Variants in CTPS2 observed in about 807,000 individuals in gnomAD.
CTPS2 encodes CTP synthase II.
A neutral mutation model predicts 46.8 loss-of-function variants in CTPS2; 19 were observed. The ratio of observed to expected loss-of-function variants is 0.41; its 90% CI spans 0.28 to 0.60. CTPS2 has a LOEUF of 0.60. Ranked by LOEUF, CTPS2 falls within the 20% of genes least tolerant of loss-of-function variation. The pLI is 0.35. For synonymous variants in CTPS2, 151 were observed against 165.2 expected, an observed-to-expected ratio of 0.91 and a Z score of 0.66; for missense variants, 286 against 447.6, an observed-to-expected ratio of 0.64 and a Z score of 3.26.
chrX:16,605,931 A>T (rs1290797454), intron 17 of CTPS2, among the ~76,000 whole-genome samples: 1 of 112,217 alleles, frequency 8.9e-6, no homozygotes, highest in Non-Finnish European at 1.9e-5. Flanking sequence ...CAAGCCTAAA[A>T]CCAGGTGAAA....
intron 13 of CTPS2, among the ~76,000 whole-genome samples, chrX:16,656,471 G>A (rs1045999983): frequency 1.2e-4 from 13 of 107,432 alleles, no homozygotes; most frequent in African/African-American, 3.8e-4. Flanking sequence ...GTGCAGTGGC[G>A]CCATCTCGGC....
At position 16,620,664 on chromosome X, in the gene CTPS2, C is replaced by T. The variant is rs769615691; in HGVS notation, c.1394-332G>A. Among the ~76,000 whole-genome samples the T allele has an allele frequency of 2.7e-5, 3 of 112,164 alleles. No individual in the cohort carries two copies. The South Asian group carries it at 1.1e-3, about 42-fold the overall frequency. ...TAAGAGACGGCCATGTCTGCACTAT[C>T]GCTTCAGTGCAGATTTGTAATGAGC... On this transcript the variant is annotated intron_variant, in intron 14 of 18. Coordinates refer to ENST00000359276, the MANE Select transcript of CTPS2 (RefSeq NM_175859.3).
At chrX:16,605,496 C>T (rs765525004) in intron 17 of CTPS2, among the ~76,000 whole-genome samples, 19 of 111,861 alleles carry the variant, frequency 1.7e-4, no homozygotes, top group African/African-American at 4.9e-4. Flanking sequence ...CCGAGGCACA[C>T]GGATCACCAG....
intron 10 of CTPS2, among the ~76,000 whole-genome samples, chrX:16,675,155 C>G (rs752119483): frequency 9.1e-6 from 1 of 109,658 alleles, no homozygotes; most frequent in South Asian, 4.0e-4. Context: ...GTAATCCCAG[C>G]TACTCGGGAG....
At chrX:16,698,440 G>T in intron 3 of CTPS2, 104 bp from the exon 4 acceptor site, 1 of 526,181 alleles carries the variant, frequency 1.9e-6, no homozygotes, top group South Asian at 3.7e-5. Context: ...AAGTTACCCT[G>T]ACATATTTTT....
intron 17 of CTPS2, among the ~76,000 whole-genome samples, chrX:16,591,822 G>A (rs188668505): frequency 1.7e-4 from 19 of 110,776 alleles, no homozygotes; most frequent in African/African-American, 5.9e-4. Flanking sequence ...ATACCCAGAG[G>A]AAACGAGTAT....
At chrX:16,629,178 G>A (rs1461989015) in intron 14 of CTPS2, among the ~76,000 whole-genome samples, 2 of 112,457 alleles carry the variant, frequency 1.8e-5, no homozygotes. Flanking sequence ...GAAGTGATGA[G>A]GACAAGTGCT....
rs60328217 is a variant in CTPS2 at position 16,623,792 on chromosome X, C to CTTTTTTTTTTT, written c.1394-3471_1394-3461dup. On this transcript the variant is annotated intron_variant, in intron 14 of 18. Coordinates refer to ENST00000359276, the MANE Select transcript of CTPS2 (RefSeq NM_175859.3). ...ATACCCAGCAGTCATCCCCTCAATTCTTTTTTTTTTTTTTTTTTTTTTTTT... is the reference window on the plus strand; with the variant it reads ...ATACCCAGCAGTCATCCCCTCAATTCTTTTTTTTTTTTTTTTTTTTTTTTTTTTTTTTTTTT... Among the ~76,000 whole-genome samples, 6 of 21,683 alleles carry CTTTTTTTTTTT rather than the reference C, an allele frequency of 2.8e-4. 2 individuals carry two copies. Among genetic ancestry groups the CTTTTTTTTTTT allele is most frequent in the African/African-American group, 1.1e-3 (6 of 5,311 alleles). The allele number at this position is 21,683 out of a possible 115,157, so 18.8% of individuals were successfully genotyped here. A position where few individuals can be genotyped will look rare whatever the true frequency, so the allele number is the denominator to read the frequency against.
chrX:16,682,619 TAGG>T (rs1372411976), intron 9 of CTPS2, among the ~76,000 whole-genome samples: 2 of 112,173 alleles, frequency 1.8e-5, no homozygotes, highest in Non-Finnish European at 3.8e-5. Flanking sequence ...CAAGAACTGA[TAGG>T]AGAAGCTCAC....
intron 14 of CTPS2, among the ~76,000 whole-genome samples, chrX:16,628,903 A>G (rs1931311859): frequency 8.9e-6 from 1 of 112,129 alleles, no homozygotes; most frequent in Non-Finnish European, 1.9e-5. Context: ...TCACAGGTCA[A>G]TGCTCTCAAA....
intron 15 of CTPS2, among the ~76,000 whole-genome samples, chrX:16,618,353 CA>C (rs1930642131): frequency 8.0e-5 from 9 of 112,192 alleles, no homozygotes; most frequent in South Asian, 7.4e-4. Flanking sequence ...AGTTGGTAGA[CA>C]TTTGAGTTGT....
At chrX:16,604,263 T>C (rs1929842507) in intron 17 of CTPS2, among the ~76,000 whole-genome samples, 1 of 112,386 alleles carries the variant, frequency 8.9e-6, no homozygotes, top group African/African-American at 3.2e-5. Context: ...ATTCTGGTTT[T>C]ATACTTAAAA....
At chrX:16,638,319 C>T (rs1389359214) in intron 14 of CTPS2, among the ~76,000 whole-genome samples, 1 of 109,488 alleles carries the variant, frequency 9.1e-6, no homozygotes, top group African/African-American at 3.3e-5. Context: ...TATAATTTCA[C>T]GAAAATGACA....
intron 16 of CTPS2, among the ~76,000 whole-genome samples, chrX:16,610,116 C>A (rs970239274): frequency 3.6e-5 from 4 of 111,218 alleles, no homozygotes; most frequent in Non-Finnish European, 5.7e-5. Flanking sequence ...GATAAACCAG[C>A]ACAATATCAA....
intron 14 of CTPS2, among the ~76,000 whole-genome samples, chrX:16,621,191 C>T (rs891426748): frequency 5.6e-5 from 6 of 107,190 alleles, no homozygotes; most frequent in East Asian, 5.9e-4. Flanking sequence ...ATGGGCACGG[C>T]GATCAACGAG....
At chrX:16,656,578 T>C (rs1156622601) in intron 13 of CTPS2, among the ~76,000 whole-genome samples, 2 of 110,979 alleles carry the variant, frequency 1.8e-5, no homozygotes, top group Non-Finnish European at 3.8e-5. Context: ...CCCGGCTAAT[T>C]TTTCTTTTTG....
At chrX:16,672,926 G>A (rs1368943068) in intron 10 of CTPS2, among the ~76,000 whole-genome samples, 9 of 80,784 alleles carry the variant, frequency 1.1e-4, no homozygotes, top group Non-Finnish European at 1.8e-4. Flanking sequence ...TCGCTCTGTC[G>A]CCCAGGCTGG....
chrX:16,663,004 T>C (rs1933010079), intron 13 of CTPS2, among the ~76,000 whole-genome samples: 1 of 111,708 alleles, frequency 9.0e-6, no homozygotes. Context: ...ACAAACTAAA[T>C]ATGAGACTGG....
intron 10 of CTPS2, among the ~76,000 whole-genome samples, chrX:16,675,485 T>C (rs1195772415): frequency 8.9e-6 from 1 of 111,917 alleles, no homozygotes; most frequent in East Asian, 2.8e-4. Flanking sequence ...TGGCTTTCTT[T>C]GGGCTGTATT....
Sources: gnomAD v4.1 joint callset for allele counts (sites outside exome capture counted in the v4.1 genomes callset) on GRCh38, gnomAD v4.1.1 for gene constraint, MANE v1.5 for transcripts, NCBI Gene and HGNC (gene_info 2026-07-23, HGNC 2026-07-21) for gene names.